Variants in CKLF observed in about 807,000 individuals in gnomAD.
CKLF encodes chemokine like factor.
A neutral mutation model predicts 12.9 loss-of-function variants in CKLF; 16 were observed. The ratio of observed to expected loss-of-function variants is 1.24; its 90% CI spans 0.84 to 1.88. The LOEUF (loss-of-function observed/expected upper bound fraction) is 1.88, where lower values mean the gene tolerates loss of function less well. Ranked by LOEUF, CKLF falls within the 40% of genes most tolerant of loss-of-function variation. CKLF has a pLI of 0.00. For missense variants in CKLF, 172 were observed against 188.5 expected (o/e 0.91, Z 0.51); for synonymous variants, 61 against 69.0 (o/e 0.88, Z 0.57).
intron 1 of CKLF, among the ~76,000 whole-genome samples, chr16:66,557,950 A>G (rs1057141734): frequency 6.6e-6 from 1 of 152,158 alleles, no homozygotes; most frequent in Admixed American, 6.5e-5. Flanking sequence ...ATGTGTGTGT[A>G]TATGGCAGAA....
Position 66,558,243 on chromosome 16 carries a change from A to G in CKLF, c.132A>G (p.Pro44=), listed in dbSNP as rs1266147595. ...TTATCATCGCACAAGCCCCTGAACC[A>G]TATATTGTTATCACTGGATTTGAAG... ...TFFIIAQAPE[P]YIVITGFEVT... is the part of the protein sequence containing the mutation. Residue 44 remains proline, a synonymous_variant, in exon 2 of 4, where the codon CCA becomes CCG. Transcript: ENST00000264001. 3.7e-6 allele frequency: 6 copies of G among 1,613,776 alleles called. No homozygotes were observed. Among genetic ancestry groups the G allele is most frequent in the Admixed American group, 1.7e-5 (1 of 59,952 alleles).
At position 66,563,198 on chromosome 16, in the gene CKLF, C is replaced by CATTT; in HGVS notation, c.317_318insTATT (p.Leu106PhefsTer43). The CATTT allele has an allele frequency of 6.2e-7, 1 of 1,614,102 alleles. No homozygotes were observed. Among genetic ancestry groups the CATTT allele is most frequent in the Non-Finnish European group, 8.5e-7 (1 of 1,180,018 alleles). On this transcript the variant is annotated frameshift_variant, in exon 3 of 4. Coordinates refer to ENST00000264001, the MANE Select transcript of CKLF (RefSeq NM_016951.4). LOFTEE classifies it low-confidence loss of function (END_TRUNC). ...TTGGCACTGATACCAGAAACCACAA[C>CATTT]ATTGACAGTTGGTGGAGGGGTAAGT...
downstream of CKLF, chr16:66,566,211 G>T: frequency 6.6e-7 from 1 of 1,503,868 alleles, no homozygotes; most frequent in Non-Finnish European, 8.8e-7. The surrounding 1 kb of genome is among the most constrained non-coding windows in gnomAD (Gnocchi z 4.9). Flanking sequence ...CCGGGCCTGG[G>T]TGGCAGGGAA....
intron 3 of CKLF, among the ~76,000 whole-genome samples, chr16:66,564,187 T>C (rs1489100386): frequency 2.0e-5 from 3 of 152,222 alleles, no homozygotes; most frequent in Non-Finnish European, 2.9e-5. Context: ...CATTTACTCA[T>C]TTCTTAAGTG....
At chr16:66,557,152 T>C (rs781550923) in intron 1 of CKLF, among the ~76,000 whole-genome samples, 1 of 152,140 alleles carries the variant, frequency 6.6e-6, no homozygotes, top group Non-Finnish European at 1.5e-5. Flanking sequence ...AACATCAGAA[T>C]TGTTTTTCTC....
At chr16:66,555,777 G>A (rs1418418057) in intron 1 of CKLF, among the ~76,000 whole-genome samples, 1 of 152,194 alleles carries the variant, frequency 6.6e-6, no homozygotes, top group Non-Finnish European at 1.5e-5. Flanking sequence ...CATCATGATA[G>A]TTCATGGAAA....
At chr16:66,559,870 T>A (rs2011602288) in intron 2 of CKLF, among the ~76,000 whole-genome samples, 1 of 152,240 alleles carries the variant, frequency 6.6e-6, no homozygotes, top group Admixed American at 6.5e-5. Flanking sequence ...CTTGATCTAA[T>A]GAAATTATTT....
chr16:66,557,814 G>T (rs1345909509), intron 1 of CKLF, among the ~76,000 whole-genome samples: 3 of 152,220 alleles, frequency 2.0e-5, no homozygotes, highest in Admixed American at 6.5e-5. Flanking sequence ...GAGAACTGAT[G>T]TGGGAAGTGA....
rs1180115754 is a variant in CKLF at position 66,565,890 on chromosome 16, T to C, written c.338T>C (p.Phe113Ser). 29 of 1,613,928 alleles carry C rather than the reference T, an allele frequency of 1.8e-5. 2 individuals are homozygous for C. The highest frequency in any genetic ancestry group is 3.3e-4 in the Middle Eastern group (2 of 5,994). Residue 113 changes from phenylalanine to serine, a missense_variant, in exon 4 of 4, where the codon TTT becomes TCT. Phe to Ser is a radical substitution (Grantham distance 155). Coordinates refer to ENST00000264001, the MANE Select transcript of CKLF (RefSeq NM_016951.4). ...GACACTTGTCTTTCTTTCCAGGTGT[T>C]TGCACTTGTGACAGCAGTATGCTGT... ...TTTLTVGGGV[F>S]ALVTAVCCLA...
intron 3 of CKLF, among the ~76,000 whole-genome samples, chr16:66,563,689 G>A (rs374981370): frequency 1.6e-4 from 25 of 152,134 alleles, no homozygotes; most frequent in Admixed American, 3.3e-4. Context: ...ATGTCCTTAC[G>A]GTAAGAGAAC....
At chr16:66,563,306 CTA>C in intron 3 of CKLF, 89 bp downstream of exon 3, 1 of 1,465,266 alleles carries the variant, frequency 6.8e-7, no homozygotes, top group South Asian at 1.2e-5. Context: ...GAAAGCTATA[CTA>C]TATTCATCCT....
At chr16:66,562,747 G>C (rs892321029) in intron 2 of CKLF, among the ~76,000 whole-genome samples, 37 of 152,138 alleles carry the variant, frequency 2.4e-4, no homozygotes, top group African/African-American at 8.7e-4. Flanking sequence ...TTGCAACAGA[G>C]TCTCACTCTG....
intron 1 of CKLF, among the ~76,000 whole-genome samples, chr16:66,554,234 T>C (rs1332644755): frequency 1.3e-5 from 2 of 152,222 alleles, no homozygotes; most frequent in African/African-American, 4.8e-5. Context: ...TTCAGTTTAA[T>C]TATGAGACAG....
At chr16:66,559,838 G>A (rs557986296) in intron 2 of CKLF, among the ~76,000 whole-genome samples, 3 of 152,222 alleles carry the variant, frequency 2.0e-5, no homozygotes, top group East Asian at 3.9e-4. Context: ...GCTCCATTAC[G>A]AAACCCAGAA....
chr16:66,552,598 G>T lies in CKLF; in HGVS notation c.-118G>T, dbSNP rs2144509571. The T allele has an allele frequency of 4.6e-6, 7 of 1,510,602 alleles. No homozygotes were observed. The highest frequency in any genetic ancestry group is 3.7e-4 in the Middle Eastern group (2 of 5,358). 93.6% of individuals were successfully genotyped at this position (1,510,602 alleles called of 1,614,324 possible). A position where few individuals can be genotyped will look rare whatever the true frequency, so the allele number is the denominator to read the frequency against. On this transcript the variant is annotated 5_prime_UTR_variant, in exon 1 of 4. Transcript: ENST00000264001. The stretch of plus-strand genomic sequence containing the variant: ...GAGAGCGGGAAGCCGAGCTGGGCGA[G>T]AAGTAGGGGAGGGCGGTGCTCCGCC...
In CKLF at chr16:66,561,266, C is replaced by G. The variant is rs953008889; in HGVS notation, c.238-1856C>G. Reference sequence around the variant, plus strand: ...AGCAGGCCTTCTCTGATTGTTCCCCCCCGAGAGCCCCAAATGACAGAAAAC... The same window carrying G: ...AGCAGGCCTTCTCTGATTGTTCCCCGCCGAGAGCCCCAAATGACAGAAAAC... On this transcript the variant is annotated intron_variant, in intron 2 of 3. Transcript: ENST00000264001. Among the ~76,000 whole-genome samples the G allele has an allele frequency of 7.2e-5, 11 of 151,902 alleles. No individual in the cohort carries two copies. In the East Asian group the frequency reaches 9.7e-4, roughly 13 times the overall value.
intron 2 of CKLF, among the ~76,000 whole-genome samples, chr16:66,559,120 C>T (rs1264346153): frequency 1.3e-5 from 2 of 152,190 alleles, no homozygotes; most frequent in South Asian, 2.1e-4. Context: ...CTGCCCTTCT[C>T]CTCTTTGGCT....
intron 1 of CKLF, among the ~76,000 whole-genome samples, chr16:66,557,647 G>A: frequency 6.6e-6 from 1 of 152,204 alleles, no homozygotes; most frequent in African/African-American, 2.4e-5. Context: ...AACAGAACAA[G>A]GGTTTCTGTG....
chr16:66,553,276 T>C (rs1242536152), intron 1 of CKLF: 1 of 152,534 alleles, frequency 6.6e-6, no homozygotes, highest in Non-Finnish European at 1.5e-5. Context: ...CAACTGCAGT[T>C]ATACCTCTCA....
Sources: gnomAD v4.1 joint callset for allele counts (sites outside exome capture counted in the v4.1 genomes callset) on GRCh38, gnomAD v4.1.1 for gene constraint, Gnocchi (gnomAD v3.1) non-coding constraint, MANE v1.5 for transcripts, NCBI Gene and HGNC (gene_info 2026-07-23, HGNC 2026-07-21) for gene names.